Variants in PRRX1 observed in about 807,000 individuals in gnomAD.
PRRX1 encodes the protein paired mesoderm homeobox protein 1.
A neutral mutation model predicts 24.0 loss-of-function variants in PRRX1; 8 were observed. That is an observed-to-expected ratio of 0.33 (90% CI 0.20 to 0.60). PRRX1 has a LOEUF of 0.60. Among genes scored for constraint, PRRX1 ranks in the 20% least tolerant of loss-of-function variants. The pLI is 0.82. For synonymous variants in PRRX1, 160 were observed against 131.7 expected, an observed-to-expected ratio of 1.22 and a Z score of -1.47; for missense variants, 281 against 322.4, an observed-to-expected ratio of 0.87 and a Z score of 0.98.
intron 1 of PRRX1, among the ~76,000 whole-genome samples, chr1:170,670,708 A>C (rs1478526510): frequency 6.6e-6 from 1 of 152,158 alleles, no homozygotes; most frequent in Non-Finnish European, 1.5e-5. Context: ...TATATCTGGG[A>C]AGATGATTTT....
At chr1:170,673,019 G>A (rs1055048260) in intron 1 of PRRX1, among the ~76,000 whole-genome samples, 1 of 152,118 alleles carries the variant, frequency 6.6e-6, no homozygotes, top group African/African-American at 2.4e-5. Flanking sequence ...CAAGAGGACC[G>A]CTGAGCTCAA....
At chr1:170,689,843 T>TCTCTCTCTCTCC (rs1653875643) in intron 1 of PRRX1, among the ~76,000 whole-genome samples, 2 of 123,768 alleles carry the variant, frequency 1.6e-5, no homozygotes, top group Non-Finnish European at 3.3e-5. Context: ...TCTCTCCCTC[T>TCTCTCTCTCTCC]CTCTCTCTCT....
At chr1:170,689,839 C>CCT (rs71559512) in intron 1 of PRRX1, among the ~76,000 whole-genome samples, 2,647 of 91,554 alleles carry the variant, frequency 0.029, 49 homozygotes, top group Middle Eastern at 0.047. Flanking sequence ...TCTCTCTCTC[C>CCT]CTCTCTCTCT....
intron 3 of PRRX1, among the ~76,000 whole-genome samples, chr1:170,729,659 C>G (rs566523807): frequency 6.6e-6 from 1 of 152,246 alleles, no homozygotes; most frequent in East Asian, 1.9e-4. Flanking sequence ...ATAGTCTGCT[C>G]TAATTATAGC....
chr1:170,732,560 G>A lies in PRRX1; in HGVS notation c.600-3488G>A, dbSNP rs141241726. Among the ~76,000 whole-genome samples, 980 of 152,294 alleles carry A rather than the reference G, an allele frequency of 6.4e-3. 8 individuals carry two copies. Among genetic ancestry groups the A allele is most frequent in the African/African-American group, 0.023 (942 of 41,554 alleles). ...CTGTATGGCACCCTTAGCTCAAATT[G>A]AGAAGCTAGATCCATGTCAAACTAC... is the stretch of plus-strand genomic sequence containing the variant. On this transcript the variant is annotated intron_variant, in intron 3 of 3. Transcript: ENST00000239461.
intron 1 of PRRX1, among the ~76,000 whole-genome samples, chr1:170,714,820 A>G (rs1654856751): frequency 6.6e-6 from 1 of 152,184 alleles, no homozygotes; most frequent in African/African-American, 2.4e-5. Flanking sequence ...AGTGAACTTC[A>G]TACTAGAGCC....
chr1:170,711,663 T>C (rs1011008246), intron 1 of PRRX1, among the ~76,000 whole-genome samples: 1 of 152,200 alleles, frequency 6.6e-6, no homozygotes, highest in Non-Finnish European at 1.5e-5. Flanking sequence ...CTACTGGTAA[T>C]GGCAAGATTG....
chr1:170,727,430 T>C (rs1655291232), intron 3 of PRRX1: 1 of 152,202 alleles, frequency 6.6e-6, no homozygotes, highest in Admixed American at 6.5e-5. Context: ...ATTCAAAAAT[T>C]CATTTATTAT....
At chr1:170,732,175 G>C (rs901516741) in intron 3 of PRRX1, among the ~76,000 whole-genome samples, 1 of 152,182 alleles carries the variant, frequency 6.6e-6, no homozygotes, top group Non-Finnish European at 1.5e-5. Flanking sequence ...GTATAGGAAG[G>C]ACTGGTCATT....
intron 1 of PRRX1, among the ~76,000 whole-genome samples, chr1:170,687,456 T>C (rs549118826): frequency 6.6e-6 from 1 of 152,310 alleles, no homozygotes; most frequent in South Asian, 2.1e-4. Context: ...AGATGACGTT[T>C]GCTTCGACAG....
rs73036701 is a variant in PRRX1 at position 170,737,498 on chromosome 1, G to A, written c.*1312G>A. The stretch of plus-strand genomic sequence containing the variant: ...ATCATGGGAATTGCAGTTAGAGAGA[G>A]TAAGGAATACCATTTAGTCATCTAT... On this transcript the variant is annotated 3_prime_UTR_variant, in exon 4 of 4. Coordinates refer to ENST00000239461, the MANE Select transcript of PRRX1 (RefSeq NM_022716.4). 0.024 allele frequency: 4,876 copies of A among 205,984 alleles called. 237 individuals are homozygous for A. Among genetic ancestry groups the A allele is most frequent in the African/African-American group, 0.1 (4,505 of 43,846 alleles). The allele number at this position is 205,984 out of a possible 1,614,324, so 12.8% of individuals were successfully genotyped here.
At chr1:170,697,149 C>G (rs879143589) in intron 1 of PRRX1, among the ~76,000 whole-genome samples, 2 of 152,098 alleles carry the variant, frequency 1.3e-5, no homozygotes, top group Non-Finnish European at 2.9e-5. Flanking sequence ...CATGCACACG[C>G]TCTCCAGGCA....
At chr1:170,695,849 C>T (rs895536224) in intron 1 of PRRX1, among the ~76,000 whole-genome samples, 11 of 151,896 alleles carry the variant, frequency 7.2e-5, no homozygotes, top group Non-Finnish European at 7.4e-5. Flanking sequence ...TTTTTTCCCC[C>T]CCTCTCTATT....
At chr1:170,671,131 C>T (rs1378557572) in intron 1 of PRRX1, among the ~76,000 whole-genome samples, 1 of 152,204 alleles carries the variant, frequency 6.6e-6, no homozygotes, top group African/African-American at 2.4e-5. Context: ...AGGGCAGGCT[C>T]TACTCCTATT....
intron 1 of PRRX1, among the ~76,000 whole-genome samples, chr1:170,697,709 CATATATAGATATATAA>C (rs1654217119): frequency 6.8e-6 from 1 of 146,024 alleles, no homozygotes; most frequent in African/African-American, 2.5e-5. Context: ...TATCTATACA[CATATATAGATATATAA>C]ATATATACAT....
In PRRX1 at chr1:170,695,851, C is replaced by T. The variant is rs1360907001; in HGVS notation, c.242-23875C>T. 2.0e-5 allele frequency among the ~76,000 whole-genome samples: 3 copies of T among 146,840 alleles called. No homozygotes were observed. The East Asian group carries it at 5.9e-4, about 29-fold the overall frequency. ...TCCTGGGTATGCTTTTTTTCCCCCC[C>T]TCTCTATTCTCTGAGACCTTTGATG... On this transcript the variant is annotated intron_variant, in intron 1 of 3. Transcript: ENST00000239461.
chr1:170,711,319 C>T (rs1274324115), intron 1 of PRRX1, among the ~76,000 whole-genome samples: 5 of 152,266 alleles, frequency 3.3e-5, no homozygotes, highest in Non-Finnish European at 7.4e-5. Context: ...GTTATTGTGG[C>T]TTTCTCTGCT....
In PRRX1 at chr1:170,736,972, G is replaced by A; in HGVS notation, c.*786G>A. On this transcript the variant is annotated 3_prime_UTR_variant, in exon 4 of 4. Transcript: ENST00000239461. The stretch of plus-strand genomic sequence containing the variant: ...CAATCATCTTAAGTTAAAGATATTT[G>A]TTGTCTTTGAATGATTTGCTGTCAC... 1 of 198,096 alleles carries A rather than the reference G, an allele frequency of 5.0e-6. No homozygotes were observed. Among genetic ancestry groups the A allele is most frequent in the African/African-American group, 2.3e-5 (1 of 43,350 alleles). 12.3% of individuals were successfully genotyped at this position (198,096 alleles called of 1,614,324 possible). A position where few individuals can be genotyped will look rare whatever the true frequency, so the allele number is the denominator to read the frequency against.
At chr1:170,717,682 A>G (rs1654950708) in intron 1 of PRRX1, among the ~76,000 whole-genome samples, 1 of 151,916 alleles carries the variant, frequency 6.6e-6, no homozygotes, top group African/African-American at 2.4e-5. Flanking sequence ...GGCTTGTATT[A>G]CTTAGAAAGA....
Sources: allele counts gnomAD v4.1 joint callset (sites outside exome capture counted in the v4.1 genomes callset), GRCh38; gene constraint gnomAD v4.1.1; transcripts MANE v1.5; gene names NCBI Gene and HGNC (gene_info 2026-07-23, HGNC 2026-07-21).